The following PHACTR1 variants were observed in gnomAD, a reference collection of about 807,000 sequenced individuals.
PHACTR1 encodes phosphatase and actin regulator 1, also known as RPEL repeat containing 1.
In PHACTR1, 16 loss-of-function variants were observed where a neutral mutation model predicts 69.2. That is an observed-to-expected ratio of 0.23 (90% CI 0.16 to 0.35). The LOEUF is 0.35. PHACTR1 is among the 10% of genes least tolerant of loss of function. The pLI is 1.00. For missense variants in PHACTR1, 510 were observed against 734.7 expected (o/e 0.69, Z 3.54); for synonymous variants, 312 against 284.5 (o/e 1.10, Z -0.97).
chr6:12,731,136 C>T (rs1763472400), intron 3 of PHACTR1, among the ~76,000 whole-genome samples: 1 of 151,934 alleles, frequency 6.6e-6, no homozygotes, highest in Non-Finnish European at 1.5e-5. Flanking sequence ...CTGCCTCAGC[C>T]TCCTGAGTAG....
intron 12 of PHACTR1, chr6:13,280,876 C>G (rs1482974343): frequency 4.7e-6 from 5 of 1,066,062 alleles, no homozygotes; most frequent in Non-Finnish European, 6.3e-6. Flanking sequence ...ACAGCCAGCA[C>G]CAGGCCAAAG....
rs144313630 is a variant in PHACTR1, at chr6:12,933,680, G to C, written c.251-119685G>C. 78 of 1,612,844 alleles carry C rather than the reference G, an allele frequency of 4.8e-5. 1 individual carries two copies. In the East Asian group the frequency reaches 1.6e-3, roughly 34 times the overall value. On this transcript the variant is annotated intron_variant, in intron 4 of 14. Transcript: ENST00000332995. ...GGATGAAGCAAGAATGGGACCAGCA[G>C]TGCCAACTCTTGGGCGTCCTCTTGG... is the stretch of plus-strand genomic sequence containing the variant.
intron 4 of PHACTR1, among the ~76,000 whole-genome samples, chr6:12,878,186 C>T (rs2127450783): frequency 6.6e-6 from 1 of 152,294 alleles, no homozygotes; most frequent in Middle Eastern, 3.4e-3. Context: ...TTAGAGCAGC[C>T]AAGAACCTTA....
intron 5 of PHACTR1, among the ~76,000 whole-genome samples, chr6:13,096,731 AATTT>A (rs1814318278): frequency 6.6e-6 from 1 of 152,178 alleles, no homozygotes. Context: ...CATAGTGACA[AATTT>A]ATTTATTAAG....
At chr6:13,285,269 C>T (rs576416758) in intron 13 of PHACTR1, among the ~76,000 whole-genome samples, 16 of 152,334 alleles carry the variant, frequency 1.1e-4, no homozygotes, top group Admixed American at 9.1e-4. Flanking sequence ...CCCAAAGCTG[C>T]TACCCAGGCA....
intron 5 of PHACTR1, among the ~76,000 whole-genome samples, chr6:13,109,421 G>T (rs9473487): frequency 0.013 from 1,907 of 151,654 alleles, 41 homozygotes; most frequent in African/African-American, 0.043. Context: ...TAGAATTATA[G>T]GTGATTTTTT....
chr6:13,071,144 G>T (rs927107126), intron 5 of PHACTR1, among the ~76,000 whole-genome samples: 11 of 152,100 alleles, frequency 7.2e-5, no homozygotes, highest in African/African-American at 2.7e-4. Context: ...AAAGAAAGTT[G>T]TGCCGGGTGC....
At chr6:13,166,300 A>G (rs111520308) in intron 6 of PHACTR1, among the ~76,000 whole-genome samples, 119 of 151,844 alleles carry the variant, frequency 7.8e-4, no homozygotes, top group Admixed American at 1.6e-3. Flanking sequence ...ATCACCTTCC[A>G]CCTTCAGACG....
chr6:13,151,511 C>T (rs577183166), intron 5 of PHACTR1, among the ~76,000 whole-genome samples: 1 of 152,284 alleles, frequency 6.6e-6, no homozygotes, highest in South Asian at 2.1e-4. Context: ...AGTGCCTGAA[C>T]AAGTATGAAC....
chr6:12,990,205 C>T (rs574622117), intron 4 of PHACTR1, among the ~76,000 whole-genome samples: 1 of 152,202 alleles, frequency 6.6e-6, no homozygotes, highest in Admixed American at 6.5e-5. Context: ...GGGCCCAGAC[C>T]AGACCTGTGC....
intron 4 of PHACTR1, among the ~76,000 whole-genome samples, chr6:12,856,085 G>A (rs1157900628): frequency 6.6e-6 from 1 of 152,120 alleles, no homozygotes; most frequent in African/African-American, 2.4e-5. Context: ...AGAGAGGCAA[G>A]CAGTGGAAAA....
intron 6 of PHACTR1, among the ~76,000 whole-genome samples, chr6:13,169,933 G>C (rs1289893106): frequency 6.6e-6 from 1 of 152,136 alleles, no homozygotes; most frequent in African/African-American, 2.4e-5. Flanking sequence ...AGAGTTTGTT[G>C]GTGCTCATTT....
chr6:13,188,460 C>T (rs1204808860), intron 7 of PHACTR1, among the ~76,000 whole-genome samples: 1 of 152,168 alleles, frequency 6.6e-6, no homozygotes, highest in Non-Finnish European at 1.5e-5. Flanking sequence ...GTCTGCTGCT[C>T]TGGTGACATG....
intron 4 of PHACTR1, among the ~76,000 whole-genome samples, chr6:13,014,507 T>C (rs1171265982): frequency 6.6e-6 from 1 of 152,200 alleles, no homozygotes; most frequent in Non-Finnish European, 1.5e-5. Flanking sequence ...TGCCCCGTCC[T>C]CCTATTATGA....
chr6:12,990,489 G>A (rs764283786), intron 4 of PHACTR1, among the ~76,000 whole-genome samples: 42 of 152,374 alleles, frequency 2.8e-4, no homozygotes, highest in African/African-American at 9.1e-4. Flanking sequence ...CCTCACAAGA[G>A]GGAGCACACA....
chr6:13,130,225 T>A (rs1323386309), intron 5 of PHACTR1, among the ~76,000 whole-genome samples: 1 of 151,882 alleles, frequency 6.6e-6, no homozygotes, highest in Non-Finnish European at 1.5e-5. Flanking sequence ...TCTAATGTCA[T>A]ACCACAAGGA....
At chr6:12,839,193 G>A (rs773627387) in intron 4 of PHACTR1, among the ~76,000 whole-genome samples, 7 of 152,114 alleles carry the variant, frequency 4.6e-5, no homozygotes, top group Non-Finnish European at 8.8e-5. Flanking sequence ...TGAGGAATAG[G>A]GAACTTGAAG....
At chr6:12,823,360 A>G (rs1323151042) in intron 4 of PHACTR1, among the ~76,000 whole-genome samples, 1 of 152,242 alleles carries the variant, frequency 6.6e-6, no homozygotes, top group Non-Finnish European at 1.5e-5. Context: ...CAAGCAGTTA[A>G]TTTGAAAGCA....
intron 5 of PHACTR1, among the ~76,000 whole-genome samples, chr6:13,156,671 C>A (rs1758222734): frequency 6.6e-6 from 1 of 152,224 alleles, no homozygotes; most frequent in Admixed American, 6.5e-5. Context: ...TGCTTGATAA[C>A]GTCTCTTGGA....
Sources: allele counts gnomAD v4.1 joint callset (sites outside exome capture counted in the v4.1 genomes callset), GRCh38; gene constraint gnomAD v4.1.1; transcripts MANE v1.5; gene names NCBI Gene and HGNC (gene_info 2026-07-23, HGNC 2026-07-21).